OTUD7B: variants seen among roughly 807,000 people sequenced by gnomAD.
The protein encoded by OTUD7B is OTU deubiquitinase 7B.
A neutral mutation model predicts 82.2 loss-of-function variants in OTUD7B; 34 were observed. That is an observed-to-expected ratio of 0.41 (90% CI 0.31 to 0.55). OTUD7B has a LOEUF of 0.55. Ranked by LOEUF, OTUD7B falls within the 20% of genes least tolerant of loss-of-function variation. OTUD7B has a pLI of 0.20. For missense variants in OTUD7B, 944 were observed against 1,062.1 expected, an observed-to-expected ratio of 0.89 and a Z score of 1.55; for synonymous variants, 398 against 402.7, an observed-to-expected ratio of 0.99 and a Z score of 0.14.
intron 1 of OTUD7B, among the ~76,000 whole-genome samples, chr1:149,992,835 C>G (rs1449754319): frequency 6.6e-6 from 1 of 152,108 alleles, no homozygotes. Context: ...CAACTTTTAA[C>G]ATACTGTATT....
chr1:150,067,346 T>A, the OTUD7B span: 3,259 of 153,670 alleles, frequency 0.021, 96 homozygotes, highest in African/African-American at 0.074. Flanking sequence ...ATTTATTAAA[T>A]GCCGTCTCTC....
At chr1:150,060,280 T>C in the OTUD7B span, among the ~76,000 whole-genome samples, 381 of 152,234 alleles carry the variant, frequency 2.5e-3, 1 homozygote, top group Non-Finnish European at 3.4e-3. Flanking sequence ...CTGTATGGGA[T>C]TGCATTTGGA....
At chr1:149,989,154 A>C (rs1348694658) in intron 1 of OTUD7B, among the ~76,000 whole-genome samples, 1 of 152,116 alleles carries the variant, frequency 6.6e-6, no homozygotes, top group East Asian at 1.9e-4. Context: ...CCCTCAGCAT[A>C]CAAGTACTAA....
the OTUD7B span, among the ~76,000 whole-genome samples, chr1:150,040,956 C>G: frequency 2.0e-4 from 31 of 151,994 alleles, no homozygotes; most frequent in African/African-American, 7.5e-4. Flanking sequence ...GAGATCTGCC[C>G]TCCTCGGCCT....
chr1:150,047,076 A>C, the OTUD7B span, among the ~76,000 whole-genome samples: 1 of 151,596 alleles, frequency 6.6e-6, no homozygotes, highest in South Asian at 2.1e-4. Context: ...GTCTTGGAAA[A>C]AAAACAAAGT....
chr1:150,016,446 C>CTTTTCTTTTT, the OTUD7B span, among the ~76,000 whole-genome samples: 25 of 130,048 alleles, frequency 1.9e-4, 2 homozygotes, highest in African/African-American at 3.0e-4. Context: ...TTTCTCTTTT[C>CTTTTCTTTTT]TTTTTCTTTT....
the OTUD7B span, among the ~76,000 whole-genome samples, chr1:150,050,987 G>A: frequency 1.3e-5 from 2 of 151,358 alleles, no homozygotes; most frequent in Non-Finnish European, 2.9e-5. Context: ...CCAGCACTTT[G>A]GGAGGCCAAG....
At chr1:150,066,627 C>T in the OTUD7B span, among the ~76,000 whole-genome samples, 1 of 152,100 alleles carries the variant, frequency 6.6e-6, no homozygotes, top group Non-Finnish European at 1.5e-5. The surrounding 1 kb of genome is among the most constrained non-coding windows in gnomAD (Gnocchi z 4.6). Context: ...TTTGGTAATC[C>T]TGAATCTATT....
chr1:149,949,014 C>A lies in OTUD7B; in HGVS notation c.1193G>T (p.Gly398Val), dbSNP rs782753568. ...ACTATCATCTTTGCCCCACTCCCAG[C>A]CCTTTCCAGGGTCCACAGCAAAGTG... ...PLHFAVDPGK[G>V]WEWGKDDSDN... Residue 398 changes from glycine (G) to valine (V), a missense_variant, in exon 10 of 12, where the codon GGC becomes GTC. Gly to Val is a moderately radical substitution (Grantham distance 109). This residue lies in a region of OTUD7B where 530 missense variants were observed against 625.6 expected (regional missense o/e 0.85). Transcript: ENST00000581312. The A allele has an allele frequency of 2.5e-6, 4 of 1,614,086 alleles. No homozygotes were observed. The highest frequency in any genetic ancestry group is 3.4e-6 in the Non-Finnish European group (4 of 1,179,902).
At chr1:150,011,837 C>A (rs1327442751), upstream of OTUD7B, among the ~76,000 whole-genome samples, 1 of 152,240 alleles carries the variant, frequency 6.6e-6, no homozygotes, top group Non-Finnish European at 1.5e-5. Context: ...GTCAACTTTT[C>A]TTTCCCCTCA....
chr1:150,042,496 A>G, the OTUD7B span, among the ~76,000 whole-genome samples: 1 of 151,666 alleles, frequency 6.6e-6, no homozygotes, highest in African/African-American at 2.4e-5. Flanking sequence ...TTTACCTTAC[A>G]AGCAGATAGT....
In OTUD7B at chr1:149,995,247, A is replaced by T. The variant is rs149027488; in HGVS notation, c.-67+15201T>A. On this transcript the variant is annotated intron_variant, in intron 1 of 11. Transcript: ENST00000581312. ...GCCCAGATACTCCTGGATCCCCAATACTAAATTGATTAGCTTTCCAATACC... is the reference window on the plus strand; with the variant it reads ...GCCCAGATACTCCTGGATCCCCAATTCTAAATTGATTAGCTTTCCAATACC... Among the ~76,000 whole-genome samples the T allele has an allele frequency of 2.0e-5, 3 of 152,288 alleles. No homozygotes were observed. In the East Asian group the frequency reaches 5.8e-4, roughly 29 times the overall value.
At chr1:150,039,856 G>C in the OTUD7B span, among the ~76,000 whole-genome samples, 1 of 151,796 alleles carries the variant, frequency 6.6e-6, no homozygotes, top group Non-Finnish European at 1.5e-5. Context: ...TTCCTTATAC[G>C]GAGCCATTTT....
At chr1:150,059,803 AAG>A in the OTUD7B span, among the ~76,000 whole-genome samples, 1 of 152,216 alleles carries the variant, frequency 6.6e-6, no homozygotes, top group South Asian at 2.1e-4. Context: ...GAAAAAAAGA[AAG>A]AAAAATTATT....
chr1:149,960,664 G>A lies in OTUD7B; in HGVS notation c.733-868C>T, dbSNP rs115276521. Among the ~76,000 whole-genome samples the A allele has an allele frequency of 5.4e-3, 813 of 151,812 alleles. 3 individuals carry two copies. The highest frequency in any genetic ancestry group is 8.8e-3 in the Non-Finnish European group (600 of 67,940). ...CCCAAAATGCTGGGATTACAGGCAT[G>A]AGGCACTGCACTCAGCCTAGACTTC... is the stretch of plus-strand genomic sequence containing the variant. On this transcript the variant is annotated intron_variant, in intron 6 of 11. Coordinates refer to ENST00000581312, the MANE Select transcript of OTUD7B (RefSeq NM_020205.4).
Position 149,972,307 on chromosome 1 carries a change from A to G in OTUD7B, c.86-1056T>C, listed in dbSNP as rs587632856. Among the ~76,000 whole-genome samples the G allele has an allele frequency of 2.6e-5, 4 of 152,334 alleles. No homozygotes were observed. The South Asian group carries it at 8.3e-4, about 32-fold the overall frequency. ...TTACTGATGATTTTACTTCTAAATC[A>G]TTACATTAGCCAATTGTTCTGACTC... is the stretch of plus-strand genomic sequence containing the variant. On this transcript the variant is annotated intron_variant, in intron 2 of 11. Coordinates refer to ENST00000581312, the MANE Select transcript of OTUD7B (RefSeq NM_020205.4).
chr1:149,953,450 G>A (rs1385459464), intron 7 of OTUD7B, among the ~76,000 whole-genome samples: 2 of 152,194 alleles, frequency 1.3e-5, no homozygotes, highest in Non-Finnish European at 2.9e-5. Context: ...GGTTACTGCA[G>A]CCTTGTAGTA....
At chr1:149,960,545 A>G in intron 6 of OTUD7B, among the ~76,000 whole-genome samples, 1 of 150,882 alleles carries the variant, frequency 6.6e-6, no homozygotes, top group East Asian at 1.9e-4. Context: ...CACCAGGCCC[A>G]GCTAATTTTT....
rs1553771767 is a variant in OTUD7B at position 149,944,979 on chromosome 1, C to CTCCT, written c.1406_1409dup (p.Ser471GlyfsTer35). ...TGCTGGTGGAACTGCTGCCAACTGA[C>CTCCT]TCCTTGTCTGAGTCTCCAGACTCAG... On this transcript the variant is annotated frameshift_variant, in exon 12 of 12. Coordinates refer to ENST00000581312, the MANE Select transcript of OTUD7B (RefSeq NM_020205.4). LOFTEE classifies it high-confidence loss of function. 1 of 1,614,206 alleles carries CTCCT rather than the reference C, an allele frequency of 6.2e-7. No individual in the cohort carries two copies.
Sources: allele counts gnomAD v4.1 joint callset (sites outside exome capture counted in the v4.1 genomes callset), GRCh38; gene constraint gnomAD v4.1.1; regional missense constraint gnomAD v4.1.1; non-coding constraint Gnocchi (gnomAD v3.1); transcripts MANE v1.5; gene names NCBI Gene and HGNC (gene_info 2026-07-23, HGNC 2026-07-21).